Variants in BTBD8 observed in about 807,000 individuals in gnomAD.
BTBD8 encodes the protein BTB domain containing 8.
BTBD8 carries 110 observed loss-of-function variants against 162.9 expected under a neutral mutation model. That is an observed-to-expected ratio of 0.68 (90% CI 0.58 to 0.79). The LOEUF (loss-of-function observed/expected upper bound fraction) is 0.79. Ranked by LOEUF, BTBD8 falls within the 30% of genes least tolerant of loss-of-function variation. The probability of loss-of-function intolerance (pLI) is 0.00; values close to 1 mark genes in which losing one functional copy is unlikely to be tolerated. For missense variants in BTBD8, 1,905 were observed against 2,085.4 expected, an observed-to-expected ratio of 0.91 and a Z score of 1.68; for synonymous variants, 667 against 716.1, an observed-to-expected ratio of 0.93 and a Z score of 1.10.
At chr1:92,150,303 CA>C (rs35560384) in intron 9 of BTBD8, among the ~76,000 whole-genome samples, 95,791 of 151,912 alleles carry the variant, frequency 0.63, 30,708 homozygotes, top group East Asian at 0.97. Context: ...GTGAGCTATA[CA>C]TACATTTCAG....
chr1:92,126,077 TA>T, intron 4 of BTBD8: 1 of 491,870 alleles, frequency 2.0e-6, no homozygotes. Context: ...AATTCCTTAG[TA>T]AAGTGTCTAT....
At chr1:92,134,524 T>C (rs1649586746) in intron 5 of BTBD8, among the ~76,000 whole-genome samples, 1 of 152,182 alleles carries the variant, frequency 6.6e-6, no homozygotes, top group Non-Finnish European at 1.5e-5. Context: ...GGCTGGCTTC[T>C]TCTCATGCAT....
At chr1:92,111,723 A>G (rs1422253732) in intron 4 of BTBD8, among the ~76,000 whole-genome samples, 2 of 152,256 alleles carry the variant, frequency 1.3e-5, no homozygotes, top group Non-Finnish European at 2.9e-5. Context: ...AGCACTTAGC[A>G]TAGTACCTGG....
intron 9 of BTBD8, among the ~76,000 whole-genome samples, chr1:92,151,550 AT>A (rs888713945): frequency 2.6e-5 from 4 of 151,614 alleles, no homozygotes; most frequent in African/African-American, 4.8e-5. Context: ...TTTTTAAATT[AT>A]TTTTTTTCAA....
At chr1:92,080,978 C>G (rs1429551359) in intron 1 of BTBD8, among the ~76,000 whole-genome samples, 1 of 152,220 alleles carries the variant, frequency 6.6e-6, no homozygotes, top group Admixed American at 6.5e-5. Flanking sequence ...GTGTGCAGCA[C>G]TAGTTTGCTA....
intron 4 of BTBD8, chr1:92,126,499 C>A: frequency 3.4e-6 from 2 of 580,610 alleles, no homozygotes; most frequent in South Asian, 1.4e-5. Flanking sequence ...TTCTCCTCTC[C>A]TCAATCCTCT....
rs1430180086 is a variant in BTBD8, at chr1:92,080,609, T to A, written c.38T>A (p.Val13Glu). 3.7e-6 allele frequency: 6 copies of A among 1,613,950 alleles called. No individual in the cohort carries two copies. The highest frequency in any genetic ancestry group is 4.2e-6 in the Non-Finnish European group (5 of 1,179,910). Residue 13 changes from valine to glutamate, a missense_variant, in exon 1 of 18, where the codon GTA becomes GAA. Transcript: ENST00000636805. ...RCGEGSAAPM[V>E]LLGSAGVCSK... is the part of the protein sequence containing the mutation. ...GGGGAAGGCAGTGCGGCCCCCATGG[T>A]ACTTCTGGGGTCCGCTGGAGTTTGC...
At position 92,135,391 on chromosome 1, in the gene BTBD8, G is replaced by T. The variant is rs189113362; in HGVS notation, c.753-3959G>T. Among the ~76,000 whole-genome samples, 566 of 152,252 alleles carry T rather than the reference G, an allele frequency of 3.7e-3. 3 individuals are homozygous for T. Among genetic ancestry groups the T allele is most frequent in the Admixed American group, 9.2e-3 (141 of 15,298 alleles). ...GTAGAGACAGGTTTTCACCATGTTG[G>T]CCAGGCTGGTAACACAGAGATTTTA... On this transcript the variant is annotated intron_variant, in intron 5 of 17. Transcript: ENST00000636805.
intron 13 of BTBD8, among the ~76,000 whole-genome samples, chr1:92,172,799 A>G (rs540601573): frequency 6.6e-6 from 1 of 152,340 alleles, no homozygotes; most frequent in South Asian, 2.1e-4. Context: ...AAATGTCTTG[A>G]GTGAGAAACT....
At position 92,181,896 on chromosome 1, in the gene BTBD8, G is replaced by C. The variant is rs1275945238; in HGVS notation, c.4213G>C (p.Ala1405Pro). The change falls in exon 17 of 18, where the codon GCT becomes CCT. Residue 1405 changes from alanine (A) to proline (P), a missense_variant. By Grantham distance (27) the Ala-to-Pro change is conservative (BLOSUM62 -1). This residue lies in a region of BTBD8 where 517 missense variants were observed against 606.6 expected (regional missense o/e 0.85). Coordinates refer to ENST00000636805, the MANE Select transcript of BTBD8 (RefSeq NM_001376131.1). ...AGAAAATTTCTCTATATCTAACCCAGCTCCTCAGCAGTTTCAGGGAATAAT... is the reference window on the plus strand; with the variant it reads ...AGAAAATTTCTCTATATCTAACCCACCTCCTCAGCAGTTTCAGGGAATAAT... ...VAENFSISNP[A>P]PQQFQGIINL... is the part of the protein sequence containing the mutation. The C allele has an allele frequency of 6.4e-7, 1 of 1,551,454 alleles. No homozygotes were observed. Among genetic ancestry groups the C allele is most frequent in the Admixed American group, 2.0e-5 (1 of 50,986 alleles).
chr1:92,093,187 ATTTTT>A (rs5776134), intron 2 of BTBD8, among the ~76,000 whole-genome samples: 2 of 119,844 alleles, frequency 1.7e-5, no homozygotes, highest in Non-Finnish European at 3.3e-5. Flanking sequence ...TGAAATACCA[ATTTTT>A]TTTTTTTTTT....
chr1:92,182,047 T>A lies in BTBD8; in HGVS notation c.4364T>A (p.Val1455Asp). Residue 1455 changes from valine to aspartate, a missense_variant, in exon 17 of 18, where the codon GTC becomes GAC. By Grantham distance (152) the Val-to-Asp change is radical (BLOSUM62 -3). Transcript: ENST00000636805. Reference sequence around the variant, plus strand: ...GAGCTGGGATCAGATGAAGGAGAAGTCCATACTCCCTTTCAGGCTTCTGTA... The same window carrying A: ...GAGCTGGGATCAGATGAAGGAGAAGACCATACTCCCTTTCAGGCTTCTGTA... ...CEELGSDEGE[V>D]HTPFQASVDS... 7 of 1,551,494 alleles carry A rather than the reference T, an allele frequency of 4.5e-6. No individual in the cohort carries two copies. The highest frequency in any genetic ancestry group is 6.1e-6 in the Non-Finnish European group (7 of 1,146,886).
chr1:92,141,096 G>T lies in BTBD8; in HGVS notation c.834-19G>T. The stretch of plus-strand genomic sequence containing the variant: ...ATTTTTAAATTGGAGAATTAACAGT[G>T]CATCTATTTTTATTTTAGTCAGATA... On this transcript the variant is annotated intron_variant, in intron 6 of 17. Transcript: ENST00000636805. 6.5e-7 allele frequency: 1 copy of T among 1,527,918 alleles called. No individual in the cohort carries two copies. Among genetic ancestry groups the T allele is most frequent in the Non-Finnish European group, 8.8e-7 (1 of 1,138,452 alleles). 94.6% of individuals were successfully genotyped at this position (1,527,918 alleles called of 1,614,324 possible).
rs997828987 is a variant in BTBD8, at chr1:92,119,028, A to C, written c.663-10659A>C. On this transcript the variant is annotated intron_variant, in intron 4 of 17. Coordinates refer to ENST00000636805, the MANE Select transcript of BTBD8 (RefSeq NM_001376131.1). ...TGTGAATAGAACTTGCAGGACTGGA[A>C]GTTGCTTTCGGTGAGTCATTGAGTG... is the stretch of plus-strand genomic sequence containing the variant. Among the ~76,000 whole-genome samples, 3 of 151,362 alleles carry C rather than the reference A, an allele frequency of 2.0e-5. No individual in the cohort carries two copies. The East Asian group carries it at 5.8e-4, about 29-fold the overall frequency.
At chr1:92,125,528 G>T in intron 4 of BTBD8, 1 of 311,408 alleles carries the variant, frequency 3.2e-6, no homozygotes, top group Non-Finnish European at 6.4e-6. Flanking sequence ...CACTTGTACA[G>T]AATTCAGGAG....
At chr1:92,140,364 G>A (rs1179198242) in intron 6 of BTBD8, among the ~76,000 whole-genome samples, 1 of 152,104 alleles carries the variant, frequency 6.6e-6, no homozygotes, top group Non-Finnish European at 1.5e-5. Context: ...TCCTACTTGG[G>A]AGTGAAATTT....
At chr1:92,100,760 G>A (rs1277529131) in intron 2 of BTBD8, among the ~76,000 whole-genome samples, 1 of 151,798 alleles carries the variant, frequency 6.6e-6, no homozygotes, top group Non-Finnish European at 1.5e-5. Flanking sequence ...CAGGCACCCT[G>A]TACCACGCCC....
Position 92,177,902 on chromosome 1 carries a change from G to A in BTBD8, c.2441+4G>A, listed in dbSNP as rs1178075387. 6.9e-7 allele frequency: 1 copy of A among 1,443,904 alleles called. No homozygotes were observed. Among genetic ancestry groups the A allele is most frequent in the East Asian group, 2.5e-5 (1 of 40,184 alleles). 89.4% of individuals were successfully genotyped at this position (1,443,904 alleles called of 1,614,324 possible). A position where few individuals can be genotyped will look rare whatever the true frequency, so the allele number is the denominator to read the frequency against. On this transcript the variant is annotated splice_donor_region_variant and intron_variant, in intron 15 of 17. Coordinates refer to ENST00000636805, the MANE Select transcript of BTBD8 (RefSeq NM_001376131.1). ...AAGACACTAATGTAAATAACAGGTA[G>A]GTCTTCATTCAGTGTTTTAACCTAT...
chr1:92,089,013 C>T, intron 2 of BTBD8, 118 bp downstream of exon 2: 2 of 972,322 alleles, frequency 2.1e-6, no homozygotes, highest in East Asian at 2.7e-5. Flanking sequence ...AATCCATTCA[C>T]TTAAATTCCA....
Sources: allele counts gnomAD v4.1 joint callset (sites outside exome capture counted in the v4.1 genomes callset), GRCh38; gene constraint gnomAD v4.1.1; regional missense constraint gnomAD v4.1.1; transcripts MANE v1.5; gene names NCBI Gene and HGNC (gene_info 2026-07-23, HGNC 2026-07-21).